The following RECQL variants were observed in gnomAD, a reference collection of about 807,000 sequenced individuals.
RECQL encodes ATP-dependent DNA helicase Q1.
RECQL carries 73 observed loss-of-function variants against 75.8 expected under a neutral mutation model. The ratio of observed to expected loss-of-function variants is 0.96; its 90% CI spans 0.80 to 1.17. The LOEUF is 1.17. Ranked by LOEUF, RECQL falls within the 50% of genes most tolerant of loss-of-function variation. RECQL has a pLI of 0.00. For missense variants in RECQL, 699 were observed against 772.1 expected, an observed-to-expected ratio of 0.91 and a Z score of 1.12; for synonymous variants, 248 against 254.4, an observed-to-expected ratio of 0.97 and a Z score of 0.24.
At chr12:21,484,276 C>T (rs941788380) in intron 5 of RECQL, among the ~76,000 whole-genome samples, 1 of 152,114 alleles carries the variant, frequency 6.6e-6, no homozygotes, top group Non-Finnish European at 1.5e-5. Flanking sequence ...CTACTTTCAT[C>T]ATCCCAGCAA....
intron 2 of RECQL, among the ~76,000 whole-genome samples, chr12:21,494,617 C>T (rs1007854347): frequency 1.3e-5 from 2 of 152,088 alleles, no homozygotes; most frequent in Non-Finnish European, 2.9e-5. Flanking sequence ...CCTGGGTATG[C>T]TCTAAAGGAA....
intron 2 of RECQL, among the ~76,000 whole-genome samples, chr12:21,498,333 G>A (rs2284394): frequency 0.7 from 107,167 of 152,020 alleles, 37,726 homozygotes; most frequent in African/African-American, 0.72. Flanking sequence ...CCATTGCCAC[G>A]ATTCACGGGA....
chr12:21,484,732 C>T (rs1943256707), intron 5 of RECQL, among the ~76,000 whole-genome samples: 4 of 149,094 alleles, frequency 2.7e-5, no homozygotes, highest in South Asian at 4.3e-4. Context: ...AGGACTATTT[C>T]AGCATTACAT....
chr12:21,471,505 T>C lies in RECQL; in HGVS notation c.1590A>G (p.Ala530=), dbSNP rs71581968. ...MGKGAAKLRV[A]GVVAPTLPRE... The stretch of plus-strand genomic sequence containing the variant: ...GAGGAAGTGTGGGAGCCACAACACC[T>C]GCTACTCTCAGTTTTGCTGCACCCT... The change falls in exon 13 of 15, where the codon GCA becomes GCG. Residue 530 remains alanine (A), a synonymous_variant. Transcript: ENST00000444129. 1.3e-4 allele frequency: 211 copies of C among 1,613,142 alleles called. No individual in the cohort carries two copies. The highest frequency in any genetic ancestry group is 8.3e-4 in the Middle Eastern group (5 of 6,050).
At chr12:21,489,724 T>C (rs769398805) in intron 4 of RECQL, among the ~76,000 whole-genome samples, 4 of 152,206 alleles carry the variant, frequency 2.6e-5, no homozygotes, top group Non-Finnish European at 5.9e-5. Context: ...TATAGCACTG[T>C]AGGGTGAATA....
Position 21,500,489 on chromosome 12 carries a change from C to T in RECQL, c.-46+681G>A, listed in dbSNP as rs1412655181. Among the ~76,000 whole-genome samples, 3 of 152,232 alleles carry T rather than the reference C, an allele frequency of 2.0e-5. No individual in the cohort carries two copies. In the East Asian group the frequency reaches 5.8e-4, roughly 29 times the overall value. Reference sequence around the variant, plus strand: ...CTGCTGACCTTACGCCCTTTCTACACAGAATTCTGAAGCCACCACTAGGCC... The same window carrying T: ...CTGCTGACCTTACGCCCTTTCTACATAGAATTCTGAAGCCACCACTAGGCC... On this transcript the variant is annotated intron_variant, in intron 1 of 14. Transcript: ENST00000444129.
In RECQL at chr12:21,475,799, T is replaced by C; in HGVS notation, c.975A>G (p.Lys325=). ...QSGIIYCFSQ[K]DSEQVTVSLQ... ...AACTAACCGTAACTTGTTCAGAGTC[T>C]TTCTGAGAAAAACAATATATGATTC... Residue 325 remains lysine (K), a synonymous_variant, in exon 9 of 15, where the codon AAA becomes AAG. Coordinates refer to ENST00000444129, the MANE Select transcript of RECQL (RefSeq NM_002907.4). The C allele has an allele frequency of 6.2e-7, 1 of 1,612,746 alleles. No individual in the cohort carries two copies. Among genetic ancestry groups the C allele is most frequent in the Non-Finnish European group, 8.5e-7 (1 of 1,179,070 alleles).
At position 21,491,732 on chromosome 12, in the gene RECQL, C is replaced by G. The variant is rs71581964; in HGVS notation, c.17-16G>C. 62,520 of 1,596,276 alleles carry G rather than the reference C, an allele frequency of 0.039. 1,381 individuals carry two copies. The highest frequency in any genetic ancestry group is 0.082 in the Middle Eastern group (486 of 5,960). ...TCAGTTAGAGCTATGGGAGGCAGCG[C>G]GGATACAATGATTAGACAGAGTAAA... On this transcript the variant is annotated splice_polypyrimidine_tract_variant and intron_variant, in intron 2 of 14. Transcript: ENST00000444129.
At chr12:21,477,054 G>T (rs1377016911) in intron 7 of RECQL, 62 bp from the exon 8 acceptor site, 2 of 1,068,488 alleles carry the variant, frequency 1.9e-6, no homozygotes, top group African/African-American at 1.9e-5. Flanking sequence ...GGCTGTCTAT[G>T]TACAACTTTC....
intron 2 of RECQL, among the ~76,000 whole-genome samples, chr12:21,493,519 T>C (rs1013498733): frequency 3.9e-5 from 6 of 151,952 alleles, no homozygotes; most frequent in African/African-American, 1.5e-4. Context: ...TTTGGAAAAA[T>C]AGCTGTAAGT....
Position 21,471,039 on chromosome 12 carries a change from G to A in RECQL, c.1727C>T (p.Ala576Val). 1.9e-6 allele frequency: 3 copies of A among 1,601,908 alleles called. No homozygotes were observed. In the African/African-American group the frequency reaches 4.0e-5, roughly 22 times the overall value. ...ATGTGCCTCATTGTTCAGAAGATTA[G>A]CTTTAGGTCCTATTTTCAAATACGA... ...TISYLKIGPK[A>V]NLLNNEAHAI... Residue 576 changes from alanine (A) to valine (V), a missense_variant, in exon 14 of 15, where the codon GCT (alanine) becomes GTT (valine). Ala to Val is a moderately conservative substitution (Grantham distance 64). Coordinates refer to ENST00000444129, the MANE Select transcript of RECQL (RefSeq NM_002907.4).
intron 5 of RECQL, 116 bp from the exon 6 acceptor site, chr12:21,483,690 TAGGAGCAGA>T (rs1245489882): frequency 3.5e-4 from 247 of 710,772 alleles, no homozygotes; most frequent in Non-Finnish European, 2.6e-4. Flanking sequence ...TTGGCTCTTC[TAGGAGCAGA>T]TGTTTAGTTC....
In RECQL at chr12:21,486,463, A is replaced by T; in HGVS notation, c.501+16T>A. 6.5e-7 allele frequency: 1 copy of T among 1,544,918 alleles called. No individual in the cohort carries two copies. ...GAATAGTTTACATTAAAAAAAAAAA[A>T]GCCACTGAAACATACCTTAGAACTA... is the stretch of plus-strand genomic sequence containing the variant. On this transcript the variant is annotated intron_variant, in intron 5 of 14. Transcript: ENST00000444129.
chr12:21,493,968 A>G (rs1943458667), intron 2 of RECQL, among the ~76,000 whole-genome samples: 1 of 152,230 alleles, frequency 6.6e-6, no homozygotes, highest in African/African-American at 2.4e-5. Context: ...GGCGTATCCG[A>G]GGCTGGGTAA....
intron 2 of RECQL, among the ~76,000 whole-genome samples, chr12:21,497,541 A>G (rs536132737): frequency 2.0e-5 from 3 of 152,342 alleles, no homozygotes; most frequent in Non-Finnish European, 2.9e-5. Context: ...GATTGGCAGG[A>G]TGGTTAGCAA....
At chr12:21,498,380 C>T (rs1383713287) in intron 2 of RECQL, among the ~76,000 whole-genome samples, 1 of 152,134 alleles carries the variant, frequency 6.6e-6, no homozygotes. Context: ...TTCTATTACC[C>T]TTAGTGATCC....
chr12:21,488,384 T>C (rs1943346108), intron 4 of RECQL, among the ~76,000 whole-genome samples: 1 of 152,178 alleles, frequency 6.6e-6, no homozygotes, highest in Non-Finnish European at 1.5e-5. Flanking sequence ...TTCTGGTTTC[T>C]GTTCTAGGCC....
intron 2 of RECQL, among the ~76,000 whole-genome samples, chr12:21,499,278 C>T (rs756862050): frequency 7.2e-5 from 11 of 152,102 alleles, no homozygotes; most frequent in Non-Finnish European, 1.5e-4. Flanking sequence ...TGGAAAGTTA[C>T]GGATTAATGA....
intron 12 of RECQL, among the ~76,000 whole-genome samples, chr12:21,473,154 T>A (rs1591970560): frequency 1.3e-5 from 2 of 152,128 alleles, no homozygotes; most frequent in Non-Finnish European, 2.9e-5. Flanking sequence ...TTGTGCCACA[T>A]AATATTTTGG....
Sources: gnomAD v4.1 joint callset for allele counts (sites outside exome capture counted in the v4.1 genomes callset) on GRCh38, gnomAD v4.1.1 for gene constraint, MANE v1.5 for transcripts, NCBI Gene and HGNC (gene_info 2026-07-23, HGNC 2026-07-21) for gene names.